VRK2: variants seen among roughly 807,000 people sequenced by gnomAD.
VRK2 encodes the protein serine/threonine-protein kinase VRK2.
A neutral mutation model predicts 57.6 loss-of-function variants in VRK2; 60 were observed. The observed-to-expected ratio is 1.04, with a 90% CI of 0.85 to 1.29. The LOEUF is 1.29. VRK2 is among the 50% of genes most tolerant of loss of function. VRK2 has a pLI of 0.00. For missense variants in VRK2, 705 were observed against 588.1 expected (o/e 1.20, Z -2.06); for synonymous variants, 231 against 199.2 (o/e 1.16, Z -1.35).
At chr2:58,063,753 G>C (rs946890072) in intron 2 of VRK2, among the ~76,000 whole-genome samples, 9 of 152,036 alleles carry the variant, frequency 5.9e-5, no homozygotes, top group Non-Finnish European at 1.3e-4. Flanking sequence ...AATACATTTC[G>C]TAAGGCTTCA....
intron 2 of VRK2, among the ~76,000 whole-genome samples, chr2:58,056,447 T>A (rs1676532604): frequency 6.6e-6 from 1 of 152,156 alleles, no homozygotes; most frequent in South Asian, 2.1e-4. Context: ...AGAAGCACTC[T>A]TGTCACTTGC....
chr2:58,152,038 C>T (rs1297977685), intron 12 of VRK2, among the ~76,000 whole-genome samples: 1 of 151,566 alleles, frequency 6.6e-6, no homozygotes, highest in Non-Finnish European at 1.5e-5. Flanking sequence ...AAATATAATG[C>T]AAGCCACATA....
At chr2:57,952,480 GT>G (rs1205587300) in intron 1 of VRK2, among the ~76,000 whole-genome samples, 1 of 152,116 alleles carries the variant, frequency 6.6e-6, no homozygotes, top group Non-Finnish European at 1.5e-5. Flanking sequence ...CCAAACTCTG[GT>G]TTTTCCAAGT....
chr2:57,930,919 G>T (rs1670702073), intron 1 of VRK2, among the ~76,000 whole-genome samples: 1 of 151,976 alleles, frequency 6.6e-6, no homozygotes, highest in South Asian at 2.1e-4. Flanking sequence ...CAAATGAGAG[G>T]ATTTTCTTCT....
intron 1 of VRK2, among the ~76,000 whole-genome samples, chr2:57,963,470 A>G (rs1313557041): frequency 1.3e-5 from 2 of 152,254 alleles, no homozygotes; most frequent in Non-Finnish European, 2.9e-5. Context: ...GCATTATTAT[A>G]TAATACGCAA....
At chr2:58,048,643 A>T in intron 1 of VRK2, 184 bp from the exon 2 acceptor site, 2 of 1,495,914 alleles carry the variant, frequency 1.3e-6, no homozygotes, top group Non-Finnish European at 1.8e-6. Context: ...TCAGTATTGT[A>T]ATGTATGTGA....
intron 1 of VRK2, among the ~76,000 whole-genome samples, chr2:57,917,708 AC>A (rs1349100221): frequency 6.6e-6 from 1 of 151,622 alleles, no homozygotes; most frequent in East Asian, 1.9e-4. Context: ...CTTTTTTTTG[AC>A]AAATGAAATG....
chr2:58,026,959 G>A (rs1558547399), intron 2 of VRK2: 1 of 151,606 alleles, frequency 6.6e-6, no homozygotes, highest in Non-Finnish European at 1.5e-5. Context: ...AAACTCCTGG[G>A]CTCACGTGAT....
chr2:58,033,488 C>T (rs1468737812), exon 3 of VRK2: 1 of 151,918 alleles, frequency 6.6e-6, no homozygotes, highest in Non-Finnish European at 1.5e-5. Context: ...GAATTCTCCC[C>T]TAGAGCCTCA....
chr2:58,116,622 A>G (rs2104447545), intron 7 of VRK2, among the ~76,000 whole-genome samples: 1 of 152,236 alleles, frequency 6.6e-6, no homozygotes, highest in East Asian at 1.9e-4. Flanking sequence ...TCTGAGAGTT[A>G]CCTAAAGCTC....
intron 2 of VRK2, among the ~76,000 whole-genome samples, chr2:58,028,629 C>T (rs571697549): frequency 2.0e-5 from 3 of 151,424 alleles, no homozygotes; most frequent in South Asian, 2.1e-4. Flanking sequence ...AGCAAACTAT[C>T]GCAAGGACAA....
chr2:58,138,134 G>T (rs1009464351), intron 10 of VRK2, among the ~76,000 whole-genome samples: 1 of 152,028 alleles, frequency 6.6e-6, no homozygotes, highest in Non-Finnish European at 1.5e-5. Context: ...TGGATATTCT[G>T]GTTAATGGAA....
chr2:58,143,341 C>T (rs1296567508), intron 11 of VRK2, among the ~76,000 whole-genome samples: 5 of 151,904 alleles, frequency 3.3e-5, no homozygotes, highest in Admixed American at 2.6e-4. Flanking sequence ...TAGTATCCTT[C>T]TATTATAAGG....
intron 2 of VRK2, among the ~76,000 whole-genome samples, chr2:58,032,744 T>C (rs951867567): frequency 2.0e-5 from 3 of 152,118 alleles, no homozygotes; most frequent in Non-Finnish European, 4.4e-5. Flanking sequence ...GACATCACAG[T>C]ATGAAACACA....
At chr2:58,138,761 A>G (rs1312916165) in intron 10 of VRK2, among the ~76,000 whole-genome samples, 1 of 152,170 alleles carries the variant, frequency 6.6e-6, no homozygotes, top group East Asian at 1.9e-4. Context: ...TCAGTAATAT[A>G]TTTTTGAAAG....
rs756184673 is a variant in VRK2 at position 58,131,876 on chromosome 2, C to A, written c.745C>A (p.Pro249Thr). ...GCTGCGGTGGTTGTGTGGGAAACTT[C>A]CCTGGGAACAGAACCTGAAGGACCC... ...CMLRWLCGKL[P>T]WEQNLKDPVA... The change falls in exon 9 of 13, where the codon CCC becomes ACC. Residue 249 changes from proline (P) to threonine (T), a missense_variant. Physicochemically the swap from Pro to Thr is conservative, Grantham distance 38. Coordinates refer to ENST00000340157, the MANE Select transcript of VRK2 (RefSeq NM_006296.7). 1 of 1,614,006 alleles carries A rather than the reference C, an allele frequency of 6.2e-7. No homozygotes were observed. The highest frequency in any genetic ancestry group is 8.5e-7 in the Non-Finnish European group (1 of 1,179,990).
chr2:58,148,896 G>A (rs1190274480), intron 12 of VRK2, among the ~76,000 whole-genome samples: 1 of 151,770 alleles, frequency 6.6e-6, no homozygotes, highest in Non-Finnish European at 1.5e-5. Context: ...ATCAATTACT[G>A]TCGCTTTACA....
intron 7 of VRK2, among the ~76,000 whole-genome samples, chr2:58,103,143 A>G (rs1674249382): frequency 6.6e-6 from 1 of 151,598 alleles, no homozygotes; most frequent in Non-Finnish European, 1.5e-5. Context: ...GAAATCACAA[A>G]TTAACCAAAC....
At chr2:58,006,802 A>T (rs1673260526) in intron 1 of VRK2, among the ~76,000 whole-genome samples, 1 of 152,162 alleles carries the variant, frequency 6.6e-6, no homozygotes, top group Non-Finnish European at 1.5e-5. Context: ...ACAGAAAGGA[A>T]GCCTACTAAA....
Sources: allele counts gnomAD v4.1 joint callset (sites outside exome capture counted in the v4.1 genomes callset), GRCh38; gene constraint gnomAD v4.1.1; transcripts MANE v1.5; gene names NCBI Gene and HGNC (gene_info 2026-07-23, HGNC 2026-07-21).